BRCA1: variants seen among roughly 807,000 people sequenced by gnomAD.
BRCA1 encodes the protein BRCA1 DNA repair associated.
A neutral mutation model predicts 173.7 loss-of-function variants in BRCA1; 140 were observed. The observed-to-expected ratio is 0.81, with a 90% CI of 0.70 to 0.93. The LOEUF (loss-of-function observed/expected upper bound fraction) is 0.93, where lower values mean the gene tolerates loss of function less well. BRCA1 is among the 40% of genes least tolerant of loss of function. The pLI, the probability that BRCA1 is intolerant of heterozygous loss-of-function variation, is 0.00. For synonymous variants in BRCA1, 662 were observed against 756.0 expected (o/e 0.88, Z 2.04); for missense variants, 1,983 against 2,172.5 (o/e 0.91, Z 1.73).
Position 43,082,541 on chromosome 17 carries a change from A to T in BRCA1, c.4220T>A (p.Leu1407His), listed in dbSNP as rs80357492. The T allele has an allele frequency of 6.2e-7, 1 of 1,614,162 alleles. No individual in the cohort carries two copies. The highest frequency in any genetic ancestry group is 1.7e-5 in the Admixed American group (1 of 60,006). ...RDTMQHNLIKLQQEMAELEAV... is the reference protein window; with the variant it reads ...RDTMQHNLIKHQQEMAELEAV... ...TTCTAGTTCAGCCATTTCCTGCTGG[A>T]GCTTTATCAGGTTATGTTGCATGGT... Residue 1407 changes from leucine to histidine, a missense_variant, in exon 12 of 23, where the codon CTC becomes CAC. By Grantham distance (99) the Leu-to-His change is moderately conservative. Transcript: ENST00000357654.
At chr17:43,158,882 A>G (rs1025178075) in intron 1 of BRCA1, among the ~76,000 whole-genome samples, 2 of 152,150 alleles carry the variant, frequency 1.3e-5, no homozygotes, top group Non-Finnish European at 2.9e-5. Context: ...GTGTGTCTTG[A>G]GGGTGTTGTA....
intron 11 of BRCA1, among the ~76,000 whole-genome samples, chr17:43,088,538 A>G (rs1463885024): frequency 6.6e-6 from 1 of 152,158 alleles, no homozygotes; most frequent in African/African-American, 2.4e-5. Flanking sequence ...AGGTTCGTCC[A>G]TGGATGATTT....
intron 14 of BRCA1, among the ~76,000 whole-genome samples, chr17:43,071,520 G>A (rs2052443525): frequency 1.3e-5 from 2 of 150,098 alleles, no homozygotes; most frequent in South Asian, 4.4e-4. Flanking sequence ...TTTAGTCATA[G>A]GAATAGTATA....
In BRCA1 at chr17:43,091,931, C is replaced by T. The variant is rs56214134; in HGVS notation, c.3600G>A (p.Gln1200=). The T allele has an allele frequency of 5.0e-6, 8 of 1,614,128 alleles. No individual in the cohort carries two copies. The highest frequency in any genetic ancestry group is 6.8e-6 in the Non-Finnish European group (8 of 1,180,002). Residue 1200 remains glutamine (Q), a synonymous_variant, in exon 10 of 23, where the codon CAG becomes CAA. Coordinates refer to ENST00000357654, the MANE Select transcript of BRCA1 (RefSeq NM_007294.4). ...PSPFTHTHLA[Q]GYRRGAKKLE... ...ATTTCTTGGCCCCTCTTCGGTAACC[C>T]TGAGCCAAATGTGTATGGGTGAAAG...
chr17:43,127,031 C>G (rs1200235334), upstream of BRCA1, among the ~76,000 whole-genome samples: 1 of 152,232 alleles, frequency 6.6e-6, no homozygotes, highest in Admixed American at 6.5e-5. Context: ...CGCTTGAATT[C>G]TCACCGGGCC....
At chr17:43,113,146 C>T (rs1388847700) in intron 3 of BRCA1, among the ~76,000 whole-genome samples, 2 of 151,938 alleles carry the variant, frequency 1.3e-5, no homozygotes, top group African/African-American at 4.8e-5. Context: ...CTCAAAGCAC[C>T]TCAGCATCTT....
At chr17:43,065,649 A>T (rs2052036444) in intron 16 of BRCA1, among the ~76,000 whole-genome samples, 1 of 152,216 alleles carries the variant, frequency 6.6e-6, no homozygotes, top group Non-Finnish European at 1.5e-5. Flanking sequence ...CCTGGGCAAC[A>T]AGAGTGAAAA....
intron 1 of BRCA1, chr17:43,162,563 T>G (rs2056243186): frequency 6.6e-6 from 1 of 152,146 alleles, no homozygotes; most frequent in African/African-American, 2.4e-5. Flanking sequence ...AAACAAGTTA[T>G]TTTTAGAGTT....
intron 9 of BRCA1, 128 bp downstream of exon 9, chr17:43,095,718 C>T: frequency 1.3e-6 from 1 of 791,668 alleles, no homozygotes; most frequent in South Asian, 1.5e-5. Context: ...GAGAATGATA[C>T]TCTAACTCTG....
rs1443698959 is a variant in BRCA1, at chr17:43,045,582, G to A, written c.*96C>T. 9 of 1,526,174 alleles carry A rather than the reference G, an allele frequency of 5.9e-6. No homozygotes were observed. The highest frequency in any genetic ancestry group is 8.1e-6 in the Non-Finnish European group (9 of 1,107,484). 94.5% of individuals were successfully genotyped at this position (1,526,174 alleles called of 1,614,324 possible). A position where few individuals can be genotyped will look rare whatever the true frequency, so the allele number is the denominator to read the frequency against. The stretch of plus-strand genomic sequence containing the variant: ...ATATTTAGTAGCCAGGACAGTAGAA[G>A]GACTGAAGAGTGAGAGGAGCTCCCA... On this transcript the variant is annotated 3_prime_UTR_variant, in exon 23 of 23. Transcript: ENST00000357654.
chr17:43,100,594 A>AAC (rs1567807154), intron 6 of BRCA1, among the ~76,000 whole-genome samples: 2 of 20,712 alleles, frequency 9.7e-5, no homozygotes, highest in East Asian at 1.3e-3. Context: ...ACATATATAT[A>AAC]TTATATATAT....
intron 2 of BRCA1, among the ~76,000 whole-genome samples, chr17:43,117,868 TTTA>T (rs1182259595): frequency 6.6e-6 from 1 of 152,214 alleles, no homozygotes; most frequent in Non-Finnish European, 1.5e-5. Context: ...ATAACAAGTG[TTTA>T]TTAAGTATCT....
At chr17:43,121,683 CAAAAA>C (rs71160013) in intron 2 of BRCA1, among the ~76,000 whole-genome samples, 2 of 32,898 alleles carry the variant, frequency 6.1e-5, no homozygotes, top group African/African-American at 2.9e-4. Flanking sequence ...AAGTCTGTCT[CAAAAA>C]AAAAAAAAAA....
At chr17:43,122,807 G>A (rs1284362839) in intron 2 of BRCA1, among the ~76,000 whole-genome samples, 2 of 151,888 alleles carry the variant, frequency 1.3e-5, no homozygotes, top group African/African-American at 2.4e-5. Flanking sequence ...AGCACTTTGG[G>A]AGGCCCAGGC....
Position 43,099,799 on chromosome 17 carries a change from T to G in BRCA1, c.523A>C (p.Lys175Gln). ...CCCAATTCAATGTAGACAGACGTCT[T>G]TTGAGGTTGTATCCGCTGCTTTGTC... is the stretch of plus-strand genomic sequence containing the variant. ...LRTKQRIQPQKTSVYIELGSD... is the reference protein window; with the variant it reads ...LRTKQRIQPQQTSVYIELGSD... The change falls in exon 7 of 23, where the codon AAG (lysine) becomes CAG (glutamine). Residue 175 changes from lysine (K) to glutamine (Q), a missense_variant. Coordinates refer to ENST00000357654, the MANE Select transcript of BRCA1 (RefSeq NM_007294.4). The G allele has an allele frequency of 6.2e-7, 1 of 1,612,014 alleles. No homozygotes were observed. The highest frequency in any genetic ancestry group is 8.5e-7 in the Non-Finnish European group (1 of 1,178,122).
chr17:43,136,242 CTG>C (rs1346924579), intron 1 of BRCA1, among the ~76,000 whole-genome samples: 2 of 152,174 alleles, frequency 1.3e-5, no homozygotes, highest in Non-Finnish European at 2.9e-5. Context: ...ATGCAGAAAA[CTG>C]AAACTGGACC....
At chr17:43,127,204 G>A (rs2055910012), upstream of BRCA1, among the ~76,000 whole-genome samples, 1 of 152,244 alleles carries the variant, frequency 6.6e-6, no homozygotes, top group African/African-American at 2.4e-5. Flanking sequence ...TGAGAGGAGT[G>A]CAGGCGCCCG....
chr17:43,100,684 T>TG (rs2054423241), intron 6 of BRCA1, among the ~76,000 whole-genome samples: 1 of 12,568 alleles, frequency 8.0e-5, no homozygotes, highest in Non-Finnish European at 3.7e-4. Flanking sequence ...ATATAATATA[T>TG]ATATATATAT....
intron 18 of BRCA1, among the ~76,000 whole-genome samples, chr17:43,059,556 T>C (rs2051658765): frequency 6.6e-6 from 1 of 152,282 alleles, no homozygotes; most frequent in South Asian, 2.1e-4. Flanking sequence ...CCATTCCTGC[T>C]TCCTGCCTTT....
Sources: gnomAD v4.1 joint callset for allele counts (sites outside exome capture counted in the v4.1 genomes callset) on GRCh38, gnomAD v4.1.1 for gene constraint, MANE v1.5 for transcripts, NCBI Gene and HGNC (gene_info 2026-07-23, HGNC 2026-07-21) for gene names.